BAIAP3: variants seen among roughly 807,000 people sequenced by gnomAD.
The protein encoded by BAIAP3 is BAI1-associated protein 3.
Under a neutral mutation model 149.7 loss-of-function variants are expected in BAIAP3, and 180 were observed. The ratio of observed to expected loss-of-function variants is 1.20; its 90% CI spans 1.07 to 1.36. The LOEUF is 1.36. BAIAP3 is among the 40% of genes most tolerant of loss of function. The pLI, the probability that BAIAP3 is intolerant of heterozygous loss-of-function variation, is 0.00. For synonymous variants in BAIAP3, 845 were observed against 670.7 expected, an observed-to-expected ratio of 1.26 and a Z score of -4.02; for missense variants, 1,767 against 1,563.4, an observed-to-expected ratio of 1.13 and a Z score of -2.20.
In BAIAP3 at chr16:1,349,321, G is replaced by A; in HGVS notation, c.*839G>A. On this transcript the variant is annotated 3_prime_UTR_variant, in exon 34 of 34. Transcript: ENST00000426824. ...GTGCTGGAAGTGTGGGGAGAACCCG[G>A]ACAGCTCAGTCCTGCCAGCAGCCGC... is the stretch of plus-strand genomic sequence containing the variant. 8.5e-7 allele frequency: 1 copy of A among 1,174,352 alleles called. No homozygotes were observed. The allele number at this position is 1,174,352 out of a possible 1,614,324, so 72.7% of individuals were successfully genotyped here. A position where few individuals can be genotyped will look rare whatever the true frequency, so the allele number is the denominator to read the frequency against.
chr16:1,340,068 C>T (rs558811438), intron 5 of BAIAP3, among the ~76,000 whole-genome samples: 29 of 147,012 alleles, frequency 2.0e-4, no homozygotes, highest in African/African-American at 7.2e-4. Flanking sequence ...CAGACACGCA[C>T]ACACACAGGC....
chr16:1,342,625 C>G lies in BAIAP3; in HGVS notation c.1056C>G (p.Ile352Met). ...ACTGCCACCTGGTTCTCAAGCTGATCACTACGCAGGTGGGGAAAGTGGGCG... is the reference window on the plus strand; with the variant it reads ...ACTGCCACCTGGTTCTCAAGCTGATGACTACGCAGGTGGGGAAAGTGGGCG... ...QGHCHLVLKLITTQRDTAMSQ... is the reference protein window; with the variant it reads ...QGHCHLVLKLMTTQRDTAMSQ... The change falls in exon 12 of 34, where the codon ATC becomes ATG. Residue 352 changes from isoleucine (I) to methionine (M), a missense_variant. Ile to Met is a conservative substitution (Grantham distance 10, BLOSUM62 1). Coordinates refer to ENST00000426824, the MANE Select transcript of BAIAP3 (RefSeq NM_001199097.2). The G allele has an allele frequency of 1.3e-6, 2 of 1,582,810 alleles. No homozygotes were observed. The highest frequency in any genetic ancestry group is 1.7e-6 in the Non-Finnish European group (2 of 1,165,180).
In BAIAP3 at chr16:1,348,637, C is replaced by T. The variant is rs2034558368; in HGVS notation, c.*155C>T. 4.2e-6 allele frequency: 3 copies of T among 717,440 alleles called. No individual in the cohort carries two copies. The East Asian group carries it at 8.1e-5, about 19-fold the overall frequency. The allele number at this position is 717,440 out of a possible 1,614,324, so 44.4% of individuals were successfully genotyped here. ...GGCTGGCCCCGCGGCGCCTACCGCC[C>T]TGGCCGTGTCTGTCTGGTGTGTGCT... On this transcript the variant is annotated 3_prime_UTR_variant, in exon 34 of 34. Transcript: ENST00000426824.
Position 1,348,321 on chromosome 16 carries a change from G to C in BAIAP3, c.3355+20G>C. On this transcript the variant is annotated intron_variant, in intron 33 of 33. Transcript: ENST00000426824. The stretch of plus-strand genomic sequence containing the variant: ...CCCAGGGTGAGTGAGCATCTGGGTG[G>C]AGGCAGGGGCAGCGGGCCTGACCCC... 1 of 1,603,026 alleles carries C rather than the reference G, an allele frequency of 6.2e-7. No homozygotes were observed. The highest frequency in any genetic ancestry group is 8.5e-7 in the Non-Finnish European group (1 of 1,175,184).
In BAIAP3 at chr16:1,342,785, CT is replaced by C; in HGVS notation, c.1133del (p.Leu378ArgfsTer126). ...FLSHLLLLSH[L>X]LRLEHSAEEP... ...GTCCCACCTGCTGCTGCTCAGCCAT[CT>C]GCTGCGGTTGGAGCACTCAGCAGAG... On this transcript the variant is annotated frameshift_variant, in exon 13 of 34. Coordinates refer to ENST00000426824, the MANE Select transcript of BAIAP3 (RefSeq NM_001199097.2). LOFTEE classifies it high-confidence loss of function. 1 of 1,612,730 alleles carries C rather than the reference CT, an allele frequency of 6.2e-7. No individual in the cohort carries two copies. The highest frequency in any genetic ancestry group is 8.5e-7 in the Non-Finnish European group (1 of 1,180,002).
rs113227869 is a variant in BAIAP3 at position 1,339,265 on chromosome 16, C to G, written c.300+21C>G. 3.2e-6 allele frequency: 5 copies of G among 1,553,350 alleles called. No individual in the cohort carries two copies. In the African/African-American group the frequency reaches 5.4e-5, roughly 17 times the overall value. ...AGGAGGTAAAGGTGGGGGTCGGAAC[C>G]AGGGGCAGTCGTCTGCAGCGGCTGC... On this transcript the variant is annotated intron_variant, in intron 4 of 33. Coordinates refer to ENST00000426824, the MANE Select transcript of BAIAP3 (RefSeq NM_001199097.2).
At chr16:1,345,692 ACCTCCCCAGCCTCCCCTG>A in intron 22 of BAIAP3, 37 bp from the exon 23 acceptor site, 1 of 102,820 alleles carries the variant, frequency 9.7e-6, no homozygotes, top group Non-Finnish European at 1.6e-5. Context: ...CGCCTCCCCC[ACCTCCCCAGCCTCCCCTG>A]CCTCCCCAGC....
In BAIAP3 at chr16:1,341,463, C is replaced by T; in HGVS notation, c.705C>T (p.Asn235=). ...QVTEVKSSTL[N]PVWKEHFLFE... ...CCGAGGTGAAGAGCAGCACCCTGAACCCCGTCTGGAAGGAGCACTTCCTCT... is the reference window on the plus strand; with the variant it reads ...CCGAGGTGAAGAGCAGCACCCTGAATCCCGTCTGGAAGGAGCACTTCCTCT... Residue 235 remains asparagine, a synonymous_variant, in exon 8 of 34, where the codon AAC becomes AAT. Transcript: ENST00000426824. The T allele has an allele frequency of 6.2e-7, 1 of 1,611,848 alleles. No individual in the cohort carries two copies. Among genetic ancestry groups the T allele is most frequent in the Non-Finnish European group, 8.5e-7 (1 of 1,179,362 alleles).
At position 1,346,002 on chromosome 16, in the gene BAIAP3, C is replaced by T. The variant is rs760325685; in HGVS notation, c.2225C>T (p.Thr742Ile). The T allele has an allele frequency of 4.3e-6, 7 of 1,609,212 alleles. No individual in the cohort carries two copies. The highest frequency in any genetic ancestry group is 2.2e-5 in the East Asian group (1 of 44,766). ...CCTCCTCAGGACGTGTGTGAGGCCA[C>T]CCTCTTCTATACGGAGCTGCTTCGG... ...TQLGQDVCEA[T>I]LFYTELLRKK... is the part of the protein sequence containing the mutation. Residue 742 changes from threonine (T) to isoleucine (I), a missense_variant, in exon 24 of 34, where the codon ACC becomes ATC. By Grantham distance (89) the Thr-to-Ile change is moderately conservative. Coordinates refer to ENST00000426824, the MANE Select transcript of BAIAP3 (RefSeq NM_001199097.2).
chr16:1,345,228 C>A (rs765775880), intron 21 of BAIAP3, 21 bp from the exon 22 acceptor site: 26 of 1,611,980 alleles, frequency 1.6e-5, no homozygotes, highest in Admixed American at 5.0e-5. Flanking sequence ...GGGCCGAGCC[C>A]TCACAACCCT....
Position 1,338,420 on chromosome 16 carries a change from G to C in BAIAP3, c.-10-120G>C, listed in dbSNP as rs912652183. On this transcript the variant is annotated intron_variant, in intron 1 of 33. Coordinates refer to ENST00000426824, the MANE Select transcript of BAIAP3 (RefSeq NM_001199097.2). ...GTGCCCAGCGCCATCCAGGCTGTGG[G>C]TGAGCTCCCAGGCCTCTGCCCCACC... 5 of 927,794 alleles carry C rather than the reference G, an allele frequency of 5.4e-6. No homozygotes were observed. The South Asian group carries it at 7.0e-5, about 13-fold the overall frequency. 57.5% of individuals were successfully genotyped at this position (927,794 alleles called of 1,614,324 possible).
At chr16:1,337,002 T>G (rs1289143027) in intron 1 of BAIAP3, among the ~76,000 whole-genome samples, 2 of 152,082 alleles carry the variant, frequency 1.3e-5, no homozygotes, top group East Asian at 3.9e-4. Context: ...TGGGTACCTC[T>G]CTTGTGGTGG....
chr16:1,336,410 C>A (rs868015800), intron 1 of BAIAP3: 5 of 984,620 alleles, frequency 5.1e-6, no homozygotes, highest in Non-Finnish European at 6.0e-6. Context: ...GTGAGTCCCC[C>A]CCGCAAGCAT....
intron 5 of BAIAP3, among the ~76,000 whole-genome samples, chr16:1,340,448 T>C (rs373367109): frequency 0.12 from 5,278 of 43,270 alleles, 1,967 homozygotes; most frequent in Admixed American, 0.31. Context: ...TGCACACAGG[T>C]TGCAGGTGCA....
rs1418872827 is a variant in BAIAP3, at chr16:1,344,451, T to G, written c.1603-18T>G. The G allele has an allele frequency of 6.2e-7, 1 of 1,612,740 alleles. No individual in the cohort carries two copies. The highest frequency in any genetic ancestry group is 2.2e-5 in the East Asian group (1 of 44,884). Reference sequence around the variant, plus strand: ...TTCCCTGCAATCCACCATGCTGTCTTGGTGGTGTCTGTTGCAGAGAGGCAA... The same window carrying G: ...TTCCCTGCAATCCACCATGCTGTCTGGGTGGTGTCTGTTGCAGAGAGGCAA... On this transcript the variant is annotated intron_variant, in intron 17 of 33. Transcript: ENST00000426824.
chr16:1,346,528 G>A lies in BAIAP3; in HGVS notation c.2562+18G>A, dbSNP rs752639798. On this transcript the variant is annotated intron_variant, in intron 26 of 33. Transcript: ENST00000426824. Reference sequence around the variant, plus strand: ...ACGATGAGGTGAGTGCCGGGGCGAGGGGCCGTGGAGGACTGTGTGTACTGG... The same window carrying A: ...ACGATGAGGTGAGTGCCGGGGCGAGAGGCCGTGGAGGACTGTGTGTACTGG... 1.9e-5 allele frequency: 31 copies of A among 1,600,406 alleles called. No individual in the cohort carries two copies. The highest frequency in any genetic ancestry group is 6.9e-5 in the Admixed American group (4 of 58,000).
In BAIAP3 at chr16:1,347,762, A is replaced by G; in HGVS notation, c.2966A>G (p.Glu989Gly). Residue 989 changes from glutamate to glycine, a missense_variant, in exon 31 of 34, where the codon GAG (glutamate) becomes GGG (glycine). By Grantham distance (98) the Glu-to-Gly change is moderately conservative (BLOSUM62 -2). Coordinates refer to ENST00000426824, the MANE Select transcript of BAIAP3 (RefSeq NM_001199097.2). ...GTCCGTTGCCATTACGAGGCGGCTG[A>G]GCAGCGGCTGGCCGTGGAGGTGCTG... ...LSVRCHYEAAEQRLAVEVLHA... is the reference protein window; with the variant it reads ...LSVRCHYEAAGQRLAVEVLHA... The G allele has an allele frequency of 6.2e-7, 1 of 1,609,604 alleles. No individual in the cohort carries two copies. The highest frequency in any genetic ancestry group is 8.5e-7 in the Non-Finnish European group (1 of 1,177,516).
chr16:1,338,519 G>C (rs372040708), intron 1 of BAIAP3, 21 bp from the exon 2 acceptor site: 26 of 1,594,034 alleles, frequency 1.6e-5, no homozygotes, highest in Non-Finnish European at 2.1e-5. Context: ...CTGAGGCTGC[G>C]GGCTGTGCTC....
At position 1,346,525 on chromosome 16, in the gene BAIAP3, G is replaced by T; in HGVS notation, c.2562+15G>T. 6.2e-7 allele frequency: 1 copy of T among 1,603,426 alleles called. No homozygotes were observed. The highest frequency in any genetic ancestry group is 8.5e-7 in the Non-Finnish European group (1 of 1,175,412). ...AGAACGATGAGGTGAGTGCCGGGGC[G>T]AGGGGCCGTGGAGGACTGTGTGTAC... On this transcript the variant is annotated intron_variant, in intron 26 of 33. Transcript: ENST00000426824.
Sources: allele counts gnomAD v4.1 joint callset (sites outside exome capture counted in the v4.1 genomes callset), GRCh38; gene constraint gnomAD v4.1.1; transcripts MANE v1.5; gene names NCBI Gene and HGNC (gene_info 2026-07-23, HGNC 2026-07-21).